Variants in NSRP1 observed in about 807,000 individuals in gnomAD.
NSRP1 encodes nuclear speckle splicing regulatory protein 1, also known as coiled-coil domain containing 55.
NSRP1 carries 24 observed loss-of-function variants against 54.7 expected under a neutral mutation model. The observed-to-expected ratio is 0.44, with a 90% confidence interval of 0.32 to 0.62. The LOEUF (loss-of-function observed/expected upper bound fraction) is 0.62. NSRP1 is among the 20% of genes least tolerant of loss of function. NSRP1 has a pLI of 0.06. For synonymous variants in NSRP1, 210 were observed against 213.8 expected (o/e 0.98, Z 0.15); for missense variants, 596 against 651.2 (o/e 0.92, Z 0.92).
chr17:30,154,083 G>A (rs926566762), intron 2 of NSRP1, among the ~76,000 whole-genome samples: 6 of 152,030 alleles, frequency 3.9e-5, no homozygotes, highest in South Asian at 2.1e-4. Flanking sequence ...TTGGGAGGCC[G>A]AGGCAGGAGG....
At chr17:30,159,958 G>A (rs1261270006) in intron 2 of NSRP1, among the ~76,000 whole-genome samples, 3 of 152,208 alleles carry the variant, frequency 2.0e-5, no homozygotes, top group Middle Eastern at 3.4e-3. Context: ...CATCGTGCCC[G>A]GCCAAGGTAT....
At chr17:30,172,313 A>G (rs1257863832) in intron 2 of NSRP1, among the ~76,000 whole-genome samples, 1 of 152,178 alleles carries the variant, frequency 6.6e-6, no homozygotes. Context: ...AAAATCCTAA[A>G]TGTTCTAAAA....
chr17:30,133,109 AT>A (rs558445432), intron 2 of NSRP1, among the ~76,000 whole-genome samples: 10,771 of 110,920 alleles, frequency 0.097, 1,357 homozygotes, highest in African/African-American at 0.35. Flanking sequence ...ACACCCAGCT[AT>A]TTTTTTTTTT....
intron 3 of NSRP1, among the ~76,000 whole-genome samples, chr17:30,173,591 G>A (rs1284498392): frequency 6.6e-6 from 1 of 152,108 alleles, no homozygotes; most frequent in Non-Finnish European, 1.5e-5. Context: ...TTGTCTAACT[G>A]GAAACCTGCA....
At chr17:30,162,183 C>T (rs576408996) in intron 2 of NSRP1, among the ~76,000 whole-genome samples, 5 of 152,164 alleles carry the variant, frequency 3.3e-5, no homozygotes, top group Non-Finnish European at 7.4e-5. Flanking sequence ...TGCCACCATG[C>T]CCGGCTAATT....
chr17:30,147,705 T>A (rs962352236), intron 2 of NSRP1, among the ~76,000 whole-genome samples: 2 of 151,920 alleles, frequency 1.3e-5, no homozygotes, highest in African/African-American at 4.8e-5. Context: ...TGTCGTGATC[T>A]GCCCGCCTCA....
At chr17:30,141,721 G>A (rs1205954004) in intron 2 of NSRP1, among the ~76,000 whole-genome samples, 1 of 152,116 alleles carries the variant, frequency 6.6e-6, no homozygotes, top group Non-Finnish European at 1.5e-5. Flanking sequence ...TGTGAATATC[G>A]GCTGGGCGCA....
intron 2 of NSRP1, among the ~76,000 whole-genome samples, chr17:30,170,999 G>A (rs563995354): frequency 6.6e-6 from 1 of 152,096 alleles, no homozygotes; most frequent in African/African-American, 2.4e-5. Context: ...ATCTCTTAGT[G>A]GTTCTGATTT....
chr17:30,186,251 T>C lies in NSRP1; in HGVS notation c.*577T>C, dbSNP rs1451532174. On this transcript the variant is annotated 3_prime_UTR_variant, in exon 7 of 7. Transcript: ENST00000247026. ...CTGCACTCCAACCTGGGCAACAGAA[T>C]GAGACCCTGTCTCTAAAAAATTTTT... 2 of 152,242 alleles carry C rather than the reference T, an allele frequency of 1.3e-5. No individual in the cohort carries two copies. Among genetic ancestry groups the C allele is most frequent in the East Asian group, 3.8e-4 (2 of 5,204 alleles). The allele number at this position is 152,242 out of a possible 1,614,324, so 9.4% of individuals were successfully genotyped here.
rs573396963 is a variant in NSRP1, at chr17:30,137,631, A to G, written c.114+19458A>G. On this transcript the variant is annotated intron_variant, in intron 2 of 6. Coordinates refer to ENST00000247026, the MANE Select transcript of NSRP1 (RefSeq NM_032141.4). ...TGGTGATGTTTGTTAACACAGGATC[A>G]ATTCTCAAAATTAACCAATAACTTT... is the stretch of plus-strand genomic sequence containing the variant. Among the ~76,000 whole-genome samples, 5 of 152,364 alleles carry G rather than the reference A, an allele frequency of 3.3e-5. No homozygotes were observed. The South Asian group carries it at 1.0e-3, about 32-fold the overall frequency.
At chr17:30,172,014 T>TCTCTCTCTCACACA (rs144705088) in intron 2 of NSRP1, among the ~76,000 whole-genome samples, 56 of 131,162 alleles carry the variant, frequency 4.3e-4, no homozygotes, top group East Asian at 1.8e-3. Context: ...TCTCTCTCTC[T>TCTCTCTCTCACACA]CACATGTTCA....
intron 3 of NSRP1, among the ~76,000 whole-genome samples, chr17:30,175,283 G>T (rs1257888905): frequency 6.6e-6 from 1 of 152,076 alleles, no homozygotes; most frequent in Non-Finnish European, 1.5e-5. Flanking sequence ...TTTCTGATTT[G>T]CATTATGATT....
chr17:30,172,151 T>C (rs1275149187), intron 2 of NSRP1, among the ~76,000 whole-genome samples: 2 of 152,216 alleles, frequency 1.3e-5, no homozygotes, highest in African/African-American at 4.8e-5. Flanking sequence ...ATTCTGAGGA[T>C]TTACAATGCA....
At position 30,156,039 on chromosome 17, in the gene NSRP1, C is replaced by T. The variant is rs191394559; in HGVS notation, c.115-16503C>T. The stretch of plus-strand genomic sequence containing the variant: ...ACTTTTAGTAGAGACAGGGTTTCAC[C>T]ATGTTGCCCAGGCTGGTCTCAAACT... On this transcript the variant is annotated intron_variant, in intron 2 of 6. Coordinates refer to ENST00000247026, the MANE Select transcript of NSRP1 (RefSeq NM_032141.4). Among the ~76,000 whole-genome samples the T allele has an allele frequency of 1.9e-3, 295 of 151,772 alleles. 2 individuals carry two copies. The highest frequency in any genetic ancestry group is 6.9e-3 in the African/African-American group (287 of 41,392).
chr17:30,121,351 T>C (rs764706310), intron 2 of NSRP1, among the ~76,000 whole-genome samples: 8 of 151,820 alleles, frequency 5.3e-5, no homozygotes, highest in Non-Finnish European at 7.4e-5. Context: ...GTTGAGGTCA[T>C]TGGGAATTAA....
At chr17:30,141,989 G>A (rs1266170189) in intron 2 of NSRP1, among the ~76,000 whole-genome samples, 1 of 152,198 alleles carries the variant, frequency 6.6e-6, no homozygotes, top group Non-Finnish European at 1.5e-5. Context: ...GGGCAACAGA[G>A]TGAGACTGTC....
intron 2 of NSRP1, among the ~76,000 whole-genome samples, chr17:30,163,919 C>T (rs1296626661): frequency 6.6e-6 from 1 of 152,048 alleles, no homozygotes; most frequent in Non-Finnish European, 1.5e-5. Flanking sequence ...CTCTTGACCT[C>T]AGGTGATCTG....
At chr17:30,118,018 G>C in intron 1 of NSRP1, 62 bp from the exon 2 acceptor site, 1 of 1,246,170 alleles carries the variant, frequency 8.0e-7, no homozygotes, top group South Asian at 1.2e-5. Flanking sequence ...AGAGGTAGTA[G>C]ATGTATTTGT....
rs185559302 is a variant in NSRP1, at chr17:30,177,751, A to C, written c.172-320A>C. 2.0e-4 allele frequency among the ~76,000 whole-genome samples: 31 copies of C among 152,294 alleles called. No individual in the cohort carries two copies. In the East Asian group the frequency reaches 4.8e-3, roughly 24 times the overall value. ...GATGTTTATTGAATACTTATTCTCT[A>C]TCAGGCTCTGTTTTAAGTTTAGTCA... On this transcript the variant is annotated intron_variant, in intron 3 of 6. Coordinates refer to ENST00000247026, the MANE Select transcript of NSRP1 (RefSeq NM_032141.4).
Sources: gnomAD v4.1 joint callset for allele counts (sites outside exome capture counted in the v4.1 genomes callset) on GRCh38, gnomAD v4.1.1 for gene constraint, MANE v1.5 for transcripts, NCBI Gene and HGNC (gene_info 2026-07-23, HGNC 2026-07-21) for gene names.